The following SLIT3 variants were observed in gnomAD, a reference collection of about 807,000 sequenced individuals.
SLIT3 encodes the protein slit guidance ligand 3.
Under a neutral mutation model 184.0 loss-of-function variants are expected in SLIT3, and 68 were observed. The observed-to-expected ratio is 0.37, with a 90% CI of 0.30 to 0.45. The LOEUF (loss-of-function observed/expected upper bound fraction) is 0.45. SLIT3 is among the 20% of genes least tolerant of loss of function. The probability of loss-of-function intolerance (pLI) is 1.00; values close to 1 mark genes in which losing one functional copy is unlikely to be tolerated. For missense variants in SLIT3, 1,707 were observed against 2,026.0 expected, an observed-to-expected ratio of 0.84 and a Z score of 3.02; for synonymous variants, 831 against 828.6, an observed-to-expected ratio of 1.00 and a Z score of -0.05.
At chr5:168,692,148 T>TG (rs1761926495) in intron 29 of SLIT3, among the ~76,000 whole-genome samples, 1 of 152,160 alleles carries the variant, frequency 6.6e-6, no homozygotes, top group South Asian at 2.1e-4. Context: ...GTGCATAAGC[T>TG]GAAAAACTTG....
intron 27 of SLIT3, among the ~76,000 whole-genome samples, chr5:168,696,704 A>G (rs1762075380): frequency 6.6e-6 from 1 of 152,134 alleles, no homozygotes; most frequent in Non-Finnish European, 1.5e-5. Context: ...AATGTCCACC[A>G]ACAAGGCCGG....
At chr5:168,815,558 C>T (rs1011820744) in intron 8 of SLIT3, among the ~76,000 whole-genome samples, 7 of 152,204 alleles carry the variant, frequency 4.6e-5, no homozygotes, top group African/African-American at 4.8e-5. Context: ...TTGGTGCCTG[C>T]GTGATAAATG....
intron 4 of SLIT3, among the ~76,000 whole-genome samples, chr5:168,906,024 T>C (rs1761041272): frequency 6.6e-6 from 1 of 152,218 alleles, no homozygotes; most frequent in Non-Finnish European, 1.5e-5. Flanking sequence ...TCCTGAACTC[T>C]AATCATCAGC....
chr5:168,886,940 C>G (rs1760240949), intron 4 of SLIT3, among the ~76,000 whole-genome samples: 1 of 152,136 alleles, frequency 6.6e-6, no homozygotes, highest in Admixed American at 6.5e-5. Flanking sequence ...TGGCAAGAAC[C>G]AATATATCCC....
At chr5:168,879,236 G>A (rs1320718192) in intron 5 of SLIT3, among the ~76,000 whole-genome samples, 1 of 152,184 alleles carries the variant, frequency 6.6e-6, no homozygotes, top group Non-Finnish European at 1.5e-5. Flanking sequence ...ATAGTGGAAT[G>A]GTGTGAATTC....
chr5:168,710,594 T>C (rs1467242020), intron 25 of SLIT3, among the ~76,000 whole-genome samples: 5 of 149,984 alleles, frequency 3.3e-5, no homozygotes, highest in Non-Finnish European at 7.4e-5. Flanking sequence ...TGAGACCTTG[T>C]CTCTACAAAA....
At chr5:169,119,145 A>G (rs1217999219) in intron 4 of SLIT3, among the ~76,000 whole-genome samples, 3 of 152,218 alleles carry the variant, frequency 2.0e-5, no homozygotes, top group Non-Finnish European at 4.4e-5. Flanking sequence ...ATCAAAGCTG[A>G]TACATATGGA....
At chr5:169,274,121 C>T (rs1472069945) in intron 1 of SLIT3, among the ~76,000 whole-genome samples, 2 of 152,168 alleles carry the variant, frequency 1.3e-5, no homozygotes, top group Non-Finnish European at 2.9e-5. Flanking sequence ...ATTGTAGGGC[C>T]TCATCCCAAC....
chr5:168,971,867 C>A (rs549369989), intron 4 of SLIT3, among the ~76,000 whole-genome samples: 74 of 152,358 alleles, frequency 4.9e-4, no homozygotes, highest in African/African-American at 1.7e-3. Flanking sequence ...ACCTTTTAGG[C>A]TCCAGGGCTA....
In SLIT3 at chr5:168,883,258, C is replaced by T. The variant is rs1205975040; in HGVS notation, c.485+7G>A. On this transcript the variant is annotated splice_region_variant and intron_variant, in intron 5 of 35. Transcript: ENST00000519560. ...ATACGTAGTGAAGCAAGGAAAACAT[C>T]ACTTACAGGTTCTTCACATCGGTGA... 6.2e-7 allele frequency: 1 copy of T among 1,612,908 alleles called. No homozygotes were observed. The highest frequency in any genetic ancestry group is 2.2e-5 in the East Asian group (1 of 44,886).
intron 27 of SLIT3, among the ~76,000 whole-genome samples, chr5:168,699,680 A>C (rs1762160896): frequency 6.6e-6 from 1 of 152,192 alleles, no homozygotes; most frequent in Non-Finnish European, 1.5e-5. Flanking sequence ...TCCAGGAATG[A>C]GCATCAGGAG....
intron 2 of SLIT3, among the ~76,000 whole-genome samples, chr5:169,249,091 G>C (rs1193140616): frequency 6.6e-6 from 1 of 152,256 alleles, no homozygotes; most frequent in East Asian, 1.9e-4. Flanking sequence ...TTTTAAAAAA[G>C]ATAGTTGTCT....
chr5:168,907,961 T>TAG lies in SLIT3; in HGVS notation c.414-24626_414-24625insCT, dbSNP rs1460303859. On this transcript the variant is annotated intron_variant, in intron 4 of 35. Coordinates refer to ENST00000519560, the MANE Select transcript of SLIT3 (RefSeq NM_003062.4). ...TTATACGTGTATATATATATATATA[T>TAG]ATATATATATATATATATAGAGAGA... 2.0e-3 allele frequency among the ~76,000 whole-genome samples: 164 copies of TAG among 82,410 alleles called. 1 individual carries two copies. Among genetic ancestry groups the TAG allele is most frequent in the African/African-American group, 7.4e-3 (161 of 21,902 alleles). The allele number at this position is 82,410 out of a possible 152,430, so 54.1% of individuals were successfully genotyped here. A position where few individuals can be genotyped will look rare whatever the true frequency, so the allele number is the denominator to read the frequency against.
intron 4 of SLIT3, among the ~76,000 whole-genome samples, chr5:169,055,182 C>T (rs1757952585): frequency 2.0e-5 from 3 of 152,064 alleles, no homozygotes; most frequent in Admixed American, 1.3e-4. Context: ...CATGAGGATG[C>T]CAGCCATGAG....
At chr5:169,200,230 T>C (rs572632760) in intron 3 of SLIT3, among the ~76,000 whole-genome samples, 2 of 152,186 alleles carry the variant, frequency 1.3e-5, no homozygotes, top group Non-Finnish European at 2.9e-5. Context: ...CCTCCTTTCC[T>C]CAGGGAGCTG....
At chr5:169,167,718 C>T (rs1379702028) in intron 4 of SLIT3, among the ~76,000 whole-genome samples, 1 of 152,102 alleles carries the variant, frequency 6.6e-6, no homozygotes, top group Non-Finnish European at 1.5e-5. Context: ...GGGTGGCAAC[C>T]CAGGCAGGCT....
Position 168,930,308 on chromosome 5 carries a change from C to T in SLIT3, c.414-46972G>A, listed in dbSNP as rs116821590. On this transcript the variant is annotated intron_variant, in intron 4 of 35. Coordinates refer to ENST00000519560, the MANE Select transcript of SLIT3 (RefSeq NM_003062.4). The stretch of plus-strand genomic sequence containing the variant: ...GGCTATCAGTGAGGAGGAGAGTAAA[C>T]CCTTGTTAATTTTCTCTACACAAGC... Among the ~76,000 whole-genome samples the T allele has an allele frequency of 3.6e-3, 540 of 152,070 alleles. 1 individual carries two copies. Among genetic ancestry groups the T allele is most frequent in the Admixed American group, 5.6e-3 (85 of 15,282 alleles).
chr5:168,712,662 G>C, intron 23 of SLIT3: 1 of 286,684 alleles, frequency 3.5e-6, no homozygotes, highest in African/African-American at 2.1e-5. Flanking sequence ...TCACTTTTCT[G>C]GGCCTTCATT....
intron 4 of SLIT3, among the ~76,000 whole-genome samples, chr5:169,016,619 G>C (rs1420707724): frequency 2.0e-5 from 3 of 152,110 alleles, no homozygotes; most frequent in Non-Finnish European, 4.4e-5. Flanking sequence ...GAGCTGTGCT[G>C]AGCTCCTCAT....
Sources: allele counts gnomAD v4.1 joint callset (sites outside exome capture counted in the v4.1 genomes callset), GRCh38; gene constraint gnomAD v4.1.1; transcripts MANE v1.5; gene names NCBI Gene and HGNC (gene_info 2026-07-23, HGNC 2026-07-21).